The following ARID4B variants were observed in gnomAD, a reference collection of about 807,000 sequenced individuals.
ARID4B encodes AT-rich interaction domain 4B, also known as AT-rich interactive domain-containing protein 4B.
A neutral mutation model predicts 147.5 loss-of-function variants in ARID4B; 26 were observed. That is an observed-to-expected ratio of 0.18 (90% CI 0.13 to 0.24). ARID4B has a LOEUF of 0.24. Among genes scored for constraint, ARID4B ranks in the 10% least tolerant of loss-of-function variants. ARID4B has a pLI of 1.00. For synonymous variants in ARID4B, 512 were observed against 507.9 expected (o/e 1.01, Z -0.11); for missense variants, 1,179 against 1,511.5 (o/e 0.78, Z 3.65).
chr1:235,208,504 T>A (rs903717077), intron 17 of ARID4B, among the ~76,000 whole-genome samples: 2 of 151,174 alleles, frequency 1.3e-5, no homozygotes, highest in Non-Finnish European at 2.9e-5. Context: ...TATTATTATT[T>A]TTTTTCTATT....
Position 235,260,629 on chromosome 1 carries a change from A to G in ARID4B, c.117+13T>C. ...GCTGAACATACAATTTATGAAATCTATAAATACTGTACCTTGACTTTGACA... is the reference window on the plus strand; with the variant it reads ...GCTGAACATACAATTTATGAAATCTGTAAATACTGTACCTTGACTTTGACA... On this transcript the variant is annotated intron_variant, in intron 3 of 23. Transcript: ENST00000264183. 13 of 1,553,626 alleles carry G rather than the reference A, an allele frequency of 8.4e-6. No homozygotes were observed. The highest frequency in any genetic ancestry group is 1.0e-5 in the Non-Finnish European group (12 of 1,142,928).
At chr1:235,286,186 C>G (rs1452318068) in intron 2 of ARID4B, among the ~76,000 whole-genome samples, 2 of 152,120 alleles carry the variant, frequency 1.3e-5, no homozygotes, top group Non-Finnish European at 2.9e-5. Context: ...AGGCATGTAC[C>G]ACAATGCCCA....
At chr1:235,202,625 C>T (rs1298017836) in intron 17 of ARID4B, among the ~76,000 whole-genome samples, 1 of 151,676 alleles carries the variant, frequency 6.6e-6, no homozygotes, top group Non-Finnish European at 1.5e-5. Flanking sequence ...TCTCAGCTCA[C>T]TGCAACCTCC....
chr1:235,252,415 T>C (rs1669701903), intron 6 of ARID4B, among the ~76,000 whole-genome samples: 1 of 152,174 alleles, frequency 6.6e-6, no homozygotes, highest in Admixed American at 6.5e-5. Context: ...TCAAGTAGAT[T>C]ACAAATCAGA....
At chr1:235,294,242 T>C (rs1038542003) in intron 2 of ARID4B, among the ~76,000 whole-genome samples, 7 of 150,238 alleles carry the variant, frequency 4.7e-5, no homozygotes, top group South Asian at 2.1e-4. Context: ...AGTAAAAACA[T>C]ACAGTAAAAT....
chr1:235,185,421 T>C (rs1664607609), intron 19 of ARID4B, among the ~76,000 whole-genome samples: 2 of 152,236 alleles, frequency 1.3e-5, no homozygotes, highest in African/African-American at 4.8e-5. Context: ...CAATTTCCCC[T>C]TATTCATCCT....
intron 8 of ARID4B, among the ~76,000 whole-genome samples, chr1:235,235,472 T>C (rs1668492892): frequency 6.6e-6 from 1 of 152,208 alleles, no homozygotes; most frequent in Non-Finnish European, 1.5e-5. Context: ...GCACATGTGA[T>C]AGCTTTGGCC....
rs1333350935 is a variant in ARID4B, at chr1:235,182,065, C to A, written c.2854G>T (p.Ala952Ser). The change falls in exon 20 of 24, where the codon GCA becomes TCA. Residue 952 changes from alanine to serine, a missense_variant. Physicochemically the swap from Ala to Ser is moderately conservative, Grantham distance 99 (BLOSUM62 1). This residue lies in a region of ARID4B where 357 missense variants were observed against 427.3 expected (regional missense o/e 0.84). Transcript: ENST00000264183. ...GGGGCAGGATGCGGTGGGGAAGCTG[C>A]AGCCTCAGTATCAGAGTCTGAAAAA... Reference protein sequence around the residue: ...ELFSDSDTEAAASPPHPAPEE... With the variant: ...ELFSDSDTEASASPPHPAPEE... 6.2e-6 allele frequency: 10 copies of A among 1,614,054 alleles called. No homozygotes were observed. Among genetic ancestry groups the A allele is most frequent in the Non-Finnish European group, 6.8e-6 (8 of 1,180,044 alleles).
At chr1:235,216,328 CACACAT>C (rs1667075257) in intron 16 of ARID4B, among the ~76,000 whole-genome samples, 1 of 148,720 alleles carries the variant, frequency 6.7e-6, no homozygotes, top group African/African-American at 2.5e-5. Flanking sequence ...CACACACACA[CACACAT>C]ATATACGTGT....
At chr1:235,221,151 G>C (rs1483042421) in intron 14 of ARID4B, among the ~76,000 whole-genome samples, 1 of 152,194 alleles carries the variant, frequency 6.6e-6, no homozygotes, top group African/African-American at 2.4e-5. Flanking sequence ...GCCCGCCTCG[G>C]CCTCCCAAAG....
intron 7 of ARID4B, among the ~76,000 whole-genome samples, chr1:235,242,270 T>C (rs1013844712): frequency 2.6e-5 from 4 of 151,392 alleles, no homozygotes; most frequent in Admixed American, 2.0e-4. Context: ...AAAGATGTAT[T>C]GTACTTCAAT....
chr1:235,210,946 A>C (rs1016235077), intron 17 of ARID4B, among the ~76,000 whole-genome samples: 1 of 152,206 alleles, frequency 6.6e-6, no homozygotes, highest in South Asian at 2.1e-4. Flanking sequence ...TTTTCTTAAC[A>C]AAACAAAGCT....
Position 235,177,814 on chromosome 1 carries a change from T to C in ARID4B, c.3434A>G (p.Lys1145Arg). 1 of 1,608,346 alleles carries C rather than the reference T, an allele frequency of 6.2e-7. No individual in the cohort carries two copies. The highest frequency in any genetic ancestry group is 8.5e-7 in the Non-Finnish European group (1 of 1,177,072). The change falls in exon 21 of 24, where the codon AAG becomes AGG. Residue 1145 changes from lysine (K) to arginine (R), a missense_variant. Lys to Arg is a conservative substitution (Grantham distance 26). Around this residue, in one of 10 missense-constraint regions of ARID4B, gnomAD observed 357 missense variants for 427.3 expected, o/e 0.84. Coordinates refer to ENST00000264183, the MANE Select transcript of ARID4B (RefSeq NM_016374.6). ...TTCACACTTACTGCCTTTTCCCTTC[T>C]TTTTGTTGTTTACCACTGTTGCTTT... is the stretch of plus-strand genomic sequence containing the variant. ...SHKATVVNNKKKGKGTNSSDS... is the reference protein window; with the variant it reads ...SHKATVVNNKRKGKGTNSSDS...
intron 5 of ARID4B, among the ~76,000 whole-genome samples, chr1:235,255,219 CTAGATAGATAGATAGA>C (rs1553304253): frequency 9.4e-5 from 12 of 127,568 alleles, no homozygotes; most frequent in African/African-American, 3.4e-4. Context: ...CTGCTGGGAG[CTAGATAGATAGATAGA>C]TAGATAGATA....
intron 2 of ARID4B, among the ~76,000 whole-genome samples, chr1:235,317,795 G>T (rs1275207052): frequency 6.6e-6 from 1 of 152,128 alleles, no homozygotes; most frequent in East Asian, 1.9e-4. Context: ...CAACTGACTA[G>T]AACAGAGACC....
chr1:235,231,989 A>G (rs1415013069), intron 9 of ARID4B, among the ~76,000 whole-genome samples: 1 of 152,144 alleles, frequency 6.6e-6, no homozygotes. Flanking sequence ...GAGTGGTGGC[A>G]TGTGCCTGTA....
chr1:235,245,697 C>A (rs1309038139), intron 7 of ARID4B, among the ~76,000 whole-genome samples: 1 of 152,014 alleles, frequency 6.6e-6, no homozygotes, highest in African/African-American at 2.4e-5. Flanking sequence ...GGTATTTCAT[C>A]ATGAAATTTT....
chr1:235,308,638 C>A (rs553707409), intron 2 of ARID4B, among the ~76,000 whole-genome samples: 1 of 152,102 alleles, frequency 6.6e-6, no homozygotes, highest in Non-Finnish European at 1.5e-5. Flanking sequence ...CCACGCCTGA[C>A]TGGTTTTTGT....
At chr1:235,220,617 G>T in intron 14 of ARID4B, 72 bp from the exon 15 acceptor site, 1 of 1,175,138 alleles carries the variant, frequency 8.5e-7, no homozygotes, top group Non-Finnish European at 1.1e-6. Context: ...TTTTTAATGT[G>T]TATTCATTTC....
Sources: allele counts gnomAD v4.1 joint callset (sites outside exome capture counted in the v4.1 genomes callset), GRCh38; gene constraint gnomAD v4.1.1; regional missense constraint gnomAD v4.1.1; transcripts MANE v1.5; gene names NCBI Gene and HGNC (gene_info 2026-07-23, HGNC 2026-07-21).